GLMN: variants seen among roughly 807,000 people sequenced by gnomAD.
The protein encoded by GLMN is glomulin.
In GLMN, 75 loss-of-function variants were observed where a neutral mutation model predicts 87.8. That is an observed-to-expected ratio of 0.85 (90% CI 0.71 to 1.04). The LOEUF is 1.04. GLMN is among the 50% of genes least tolerant of loss of function. The pLI, the probability that GLMN is intolerant of heterozygous loss-of-function variation, is 0.00. For synonymous variants in GLMN, 206 were observed against 221.6 expected (o/e 0.93, Z 0.63); for missense variants, 588 against 658.8 (o/e 0.89, Z 1.18).
chr1:92,263,497 CTT>C (rs1246392622), intron 15 of GLMN, 124 bp downstream of exon 15: 2 of 718,956 alleles, frequency 2.8e-6, no homozygotes, highest in Admixed American at 2.0e-5. Flanking sequence ...CTTTATGTAA[CTT>C]AATGAATTAG....
intron 3 of GLMN, among the ~76,000 whole-genome samples, chr1:92,293,996 CAA>C (rs755356697): frequency 3.8e-4 from 39 of 103,362 alleles, no homozygotes; most frequent in Non-Finnish European, 3.7e-4. Context: ...TAATGGGTAC[CAA>C]AAAAAAAAAA....
At chr1:92,268,439 T>C (rs2100906717) in intron 9 of GLMN, among the ~76,000 whole-genome samples, 1 of 152,354 alleles carries the variant, frequency 6.6e-6, no homozygotes, top group Non-Finnish European at 1.5e-5. Context: ...ACCAATGCTA[T>C]ATATTCCAGT....
chr1:92,301,513 G>T (rs1650856800), upstream of GLMN: 3 of 1,595,512 alleles, frequency 1.9e-6, no homozygotes, highest in Middle Eastern at 1.7e-4. Flanking sequence ...AAAGAAGATT[G>T]AATTTGAGAG....
chr1:92,258,204 T>C (rs530538609), intron 16 of GLMN, among the ~76,000 whole-genome samples: 1 of 152,192 alleles, frequency 6.6e-6, no homozygotes, highest in African/African-American at 2.4e-5. Context: ...CACAATGAGA[T>C]ACCATCTCAT....
intron 16 of GLMN, among the ~76,000 whole-genome samples, chr1:92,248,585 GAGAAA>G (rs1653003128): frequency 6.6e-6 from 1 of 152,180 alleles, no homozygotes; most frequent in South Asian, 2.1e-4. Context: ...TTAAAAAATA[GAGAAA>G]AGAAAATCCA....
At chr1:92,266,308 T>C (rs1655623888) in intron 13 of GLMN, 111 bp downstream of exon 13, 2 of 722,520 alleles carry the variant, frequency 2.8e-6, no homozygotes, top group African/African-American at 1.7e-5. Flanking sequence ...CCAACCAGAG[T>C]TGAATTACAT....
the GLMN span, among the ~76,000 whole-genome samples, chr1:92,304,953 G>C: frequency 4.6e-5 from 7 of 151,750 alleles, no homozygotes; most frequent in East Asian, 1.4e-3. Context: ...CCTGGGCAAC[G>C]GCAAAACCCT....
At chr1:92,294,870 G>C (rs1182683849) in intron 3 of GLMN, among the ~76,000 whole-genome samples, 1 of 152,176 alleles carries the variant, frequency 6.6e-6, no homozygotes, top group Non-Finnish European at 1.5e-5. Flanking sequence ...GTGGAGACAG[G>C]GTTTCACCAT....
chr1:92,300,071 A>G, upstream of GLMN: 4 of 665,822 alleles, frequency 6.0e-6, no homozygotes, highest in Middle Eastern at 1.3e-3. Context: ...GCAACTGTAT[A>G]TCTAAACATA....
At chr1:92,337,930 A>C in the GLMN span, among the ~76,000 whole-genome samples, 1 of 152,154 alleles carries the variant, frequency 6.6e-6, no homozygotes, top group South Asian at 2.1e-4. Flanking sequence ...TCTGTTTTAG[A>C]TTATTTAAAT....
the GLMN span, among the ~76,000 whole-genome samples, chr1:92,325,657 T>A: frequency 6.6e-6 from 1 of 152,190 alleles, no homozygotes; most frequent in African/African-American, 2.4e-5. Context: ...CACATATGAA[T>A]GTCCTGATGT....
chr1:92,302,812 G>T (rs1472639900), upstream of GLMN, among the ~76,000 whole-genome samples: 1 of 151,736 alleles, frequency 6.6e-6, no homozygotes, highest in Non-Finnish European at 1.5e-5. Context: ...GTGTTAGCCA[G>T]GATGGTCTCG....
At chr1:92,320,538 G>A in the GLMN span, 3 of 1,415,850 alleles carry the variant, frequency 2.1e-6, no homozygotes, top group Non-Finnish European at 3.0e-6. Flanking sequence ...CGAAAGTGCT[G>A]GGGTTACAGG....
chr1:92,332,765 C>G, the GLMN span, among the ~76,000 whole-genome samples: 4 of 152,040 alleles, frequency 2.6e-5, no homozygotes, highest in African/African-American at 9.7e-5. Context: ...TTGAAGGATA[C>G]CCTGAACTCT....
At chr1:92,310,635 C>T in the GLMN span, among the ~76,000 whole-genome samples, 7 of 152,162 alleles carry the variant, frequency 4.6e-5, no homozygotes, top group African/African-American at 9.6e-5. Flanking sequence ...TGGTGACTCA[C>T]GCCCGTAATC....
chr1:92,253,540 T>A (rs764951423), intron 16 of GLMN, among the ~76,000 whole-genome samples: 6 of 152,114 alleles, frequency 3.9e-5, no homozygotes, highest in Non-Finnish European at 8.8e-5. Context: ...ATCTGGCGGG[T>A]GCCCCTCTGG....
At chr1:92,307,021 C>T in the GLMN span, among the ~76,000 whole-genome samples, 1 of 152,010 alleles carries the variant, frequency 6.6e-6, no homozygotes, top group Non-Finnish European at 1.5e-5. Context: ...TGGGAAGGGG[C>T]ACATAGAGGC....
At chr1:92,283,464 G>A (rs1361729708) in intron 7 of GLMN, among the ~76,000 whole-genome samples, 6 of 152,052 alleles carry the variant, frequency 3.9e-5, no homozygotes, top group African/African-American at 7.2e-5. Flanking sequence ...TTGATGGAAC[G>A]TATCTCAAAA....
the GLMN span, among the ~76,000 whole-genome samples, chr1:92,308,498 T>C: frequency 1.1e-4 from 17 of 152,320 alleles, no homozygotes; most frequent in African/African-American, 4.1e-4. Flanking sequence ...TTTCCTCAAG[T>C]TATCCTTAAC....
Sources: gnomAD v4.1 joint callset for allele counts (sites outside exome capture counted in the v4.1 genomes callset) on GRCh38, gnomAD v4.1.1 for gene constraint, MANE v1.5 for transcripts, NCBI Gene and HGNC (gene_info 2026-07-23, HGNC 2026-07-21) for gene names.